AKT3: variants seen among roughly 807,000 people sequenced by gnomAD.
AKT3 encodes the protein RAC-gamma serine/threonine-protein kinase.
A neutral mutation model predicts 65.3 loss-of-function variants in AKT3; 15 were observed. The ratio of observed to expected loss-of-function variants is 0.23; its 90% CI spans 0.15 to 0.35. The LOEUF (loss-of-function observed/expected upper bound fraction) is 0.35, where lower values mean the gene tolerates loss of function less well. AKT3 is among the 10% of genes least tolerant of loss of function. The pLI, the probability that AKT3 is intolerant of heterozygous loss-of-function variation, is 1.00. For synonymous variants in AKT3, 206 were observed against 183.8 expected (o/e 1.12, Z -0.98); for missense variants, 243 against 576.5 (o/e 0.42, Z 5.92).
At chr1:243,652,925 C>T (rs1479636195) in intron 4 of AKT3, among the ~76,000 whole-genome samples, 4 of 151,724 alleles carry the variant, frequency 2.6e-5, no homozygotes, top group Admixed American at 1.3e-4. Context: ...TAAATATAGA[C>T]GCATCCAACA....
chr1:243,504,243 T>C lies in AKT3; in HGVS notation c.*1006A>G, dbSNP rs1171893688. On this transcript the variant is annotated 3_prime_UTR_variant, in exon 14 of 14. Coordinates refer to ENST00000673466, the MANE Select transcript of AKT3 (RefSeq NM_005465.7). ...CACTAAAAAATAAATACTACTGCAA[T>C]ATAAACAAAATCATAAAAGGACATT... is the stretch of plus-strand genomic sequence containing the variant. 4.7e-6 allele frequency: 1 copy of C among 211,190 alleles called. No homozygotes were observed. Among genetic ancestry groups the C allele is most frequent in the East Asian group, 7.1e-5 (1 of 14,028 alleles). The allele number at this position is 211,190 out of a possible 1,614,324, so 13.1% of individuals were successfully genotyped here.
intron 2 of AKT3, among the ~76,000 whole-genome samples, chr1:243,763,678 T>C (rs1172828182): frequency 1.3e-5 from 2 of 152,168 alleles, no homozygotes; most frequent in Non-Finnish European, 2.9e-5. Context: ...AAATTTGGGA[T>C]GTTTGTGTAC....
intron 13 of AKT3, among the ~76,000 whole-genome samples, chr1:243,506,950 C>T (rs993249439): frequency 6.6e-5 from 10 of 152,212 alleles, no homozygotes; most frequent in Non-Finnish European, 4.4e-5. Context: ...ATGGTGTACC[C>T]GTGGTTGAGC....
chr1:243,848,600 A>C (rs576894869), intron 1 of AKT3, among the ~76,000 whole-genome samples: 90 of 152,322 alleles, frequency 5.9e-4, no homozygotes, highest in Admixed American at 7.2e-4. Context: ...CACTGACAAA[A>C]CCCAGTGGTT....
intron 2 of AKT3, among the ~76,000 whole-genome samples, chr1:243,779,253 C>T (rs1690756319): frequency 6.6e-6 from 1 of 152,098 alleles, no homozygotes; most frequent in African/African-American, 2.4e-5. Flanking sequence ...CTATAGGATC[C>T]ACTTCCAGAA....
intron 9 of AKT3, among the ~76,000 whole-genome samples, chr1:243,567,161 G>A (rs893218650): frequency 2.6e-5 from 4 of 152,038 alleles, no homozygotes; most frequent in African/African-American, 9.7e-5. Context: ...TGCGCTTGTG[G>A]TGCCAGCTAC....
At chr1:243,833,470 C>T (rs1413908173) in intron 2 of AKT3, among the ~76,000 whole-genome samples, 1 of 151,930 alleles carries the variant, frequency 6.6e-6, no homozygotes, top group South Asian at 2.1e-4. Flanking sequence ...CATGAGAACT[C>T]GATAACACGA....
chr1:243,564,238 A>G (rs1229383079), intron 9 of AKT3, among the ~76,000 whole-genome samples: 1 of 152,200 alleles, frequency 6.6e-6, no homozygotes, highest in East Asian at 1.9e-4. Flanking sequence ...AGATGGTTTC[A>G]ACAATTTCTC....
At chr1:243,498,520 C>CT (rs1668627332), downstream of AKT3, among the ~76,000 whole-genome samples, 2 of 148,300 alleles carry the variant, frequency 1.3e-5, no homozygotes, top group Non-Finnish European at 2.9e-5. Context: ...CCCACCTACT[C>CT]TAACTACCCT....
At position 243,616,587 on chromosome 1, in the gene AKT3, A is replaced by G. The variant is rs188506797; in HGVS notation, c.562-1426T>C. On this transcript the variant is annotated intron_variant, in intron 6 of 13. Coordinates refer to ENST00000673466, the MANE Select transcript of AKT3 (RefSeq NM_005465.7). The stretch of plus-strand genomic sequence containing the variant: ...GCATCTCTGTTCTTCACTTCTGGCA[A>G]GATCTTAAATAAAGCCCTTGCTGAA... 3.9e-5 allele frequency among the ~76,000 whole-genome samples: 6 copies of G among 152,340 alleles called. No individual in the cohort carries two copies. In the East Asian group the frequency reaches 1.2e-3, roughly 29 times the overall value.
rs34578718 is a variant in AKT3, at chr1:243,664,185, C to CTT, written c.284+585_284+586dup. ...AAAGGTAGTTTGGCTATAAAAATGT[C>CTT]TTTTTTTTTTTTTTTTTTTTTTTTT... On this transcript the variant is annotated intron_variant, in intron 4 of 13. Coordinates refer to ENST00000673466, the MANE Select transcript of AKT3 (RefSeq NM_005465.7). 2.4e-3 allele frequency among the ~76,000 whole-genome samples: 142 copies of CTT among 60,012 alleles called. 14 individuals are homozygous for CTT. The highest frequency in any genetic ancestry group is 6.3e-3 in the East Asian group (10 of 1,578). 39.4% of individuals were successfully genotyped at this position (60,012 alleles called of 152,430 possible).
At chr1:243,569,297 C>T (rs939094381) in intron 9 of AKT3, among the ~76,000 whole-genome samples, 4 of 152,164 alleles carry the variant, frequency 2.6e-5, no homozygotes, top group Admixed American at 6.5e-5. Flanking sequence ...GTAAACAGAC[C>T]CCAAATAGGT....
chr1:243,551,731 C>T (rs1673078294), intron 11 of AKT3, among the ~76,000 whole-genome samples: 1 of 151,992 alleles, frequency 6.6e-6, no homozygotes, highest in African/African-American at 2.4e-5. Flanking sequence ...GATGGGAAGG[C>T]AGATATATCC....
intron 2 of AKT3, chr1:243,735,150 C>T (rs1261084404): frequency 2.6e-5 from 4 of 152,192 alleles, no homozygotes; most frequent in African/African-American, 9.7e-5. Flanking sequence ...AGAGAGTACA[C>T]TCTGAAATGA....
At chr1:243,760,982 C>T (rs1017758300) in intron 2 of AKT3, among the ~76,000 whole-genome samples, 9 of 152,262 alleles carry the variant, frequency 5.9e-5, no homozygotes, top group Non-Finnish European at 7.4e-5. Flanking sequence ...CTGATGAAGA[C>T]GTGACCAGAG....
In AKT3 at chr1:243,540,345, G is replaced by C. The variant is rs1574568066; in HGVS notation, c.1251+5165C>G. Among the ~76,000 whole-genome samples, 3 of 152,208 alleles carry C rather than the reference G, an allele frequency of 2.0e-5. No homozygotes were observed. In the South Asian group the frequency reaches 6.2e-4, roughly 32 times the overall value. ...AGAACATAAAAGAGAAAAGCCATAT[G>C]ATCATTGCAGTAAGTGCAGAAAAAG... is the stretch of plus-strand genomic sequence containing the variant. On this transcript the variant is annotated intron_variant, in intron 12 of 13. Transcript: ENST00000673466.
intron 2 of AKT3, among the ~76,000 whole-genome samples, chr1:243,769,444 T>G (rs189697616): frequency 2.0e-5 from 3 of 152,300 alleles, no homozygotes; most frequent in Non-Finnish European, 2.9e-5. Context: ...GATTCCAATT[T>G]CTCCATATCC....
At chr1:243,742,579 G>A (rs926084215) in intron 2 of AKT3, among the ~76,000 whole-genome samples, 2 of 152,104 alleles carry the variant, frequency 1.3e-5, no homozygotes, top group South Asian at 2.1e-4. Flanking sequence ...GAGTCGAGAC[G>A]GCACCACTGC....
chr1:243,587,952 C>G (rs1331553561), intron 8 of AKT3, among the ~76,000 whole-genome samples: 1 of 152,122 alleles, frequency 6.6e-6, no homozygotes, highest in African/African-American at 2.4e-5. Flanking sequence ...TAAAAGAACT[C>G]TCATTAGATA....
Sources: allele counts gnomAD v4.1 joint callset (sites outside exome capture counted in the v4.1 genomes callset), GRCh38; gene constraint gnomAD v4.1.1; transcripts MANE v1.5; gene names NCBI Gene and HGNC (gene_info 2026-07-23, HGNC 2026-07-21).